The following EMID1 variants were observed in gnomAD, a reference collection of about 807,000 sequenced individuals.
EMID1 encodes the protein EMI domain containing 1.
A neutral mutation model predicts 60.6 loss-of-function variants in EMID1; 40 were observed. That is an observed-to-expected ratio of 0.66 (90% confidence interval 0.51 to 0.86). The LOEUF is 0.86. Among genes scored for constraint, EMID1 ranks in the 40% least tolerant of loss-of-function variants. EMID1 has a pLI of 0.00. For missense variants in EMID1, 585 were observed against 597.1 expected (o/e 0.98, Z 0.21); for synonymous variants, 242 against 231.0 (o/e 1.05, Z -0.43).
At position 29,254,227 on chromosome 22, in the gene EMID1, G is replaced by A. The variant is rs200726069; in HGVS notation, c.1144G>A (p.Glu382Lys). 1.9e-6 allele frequency: 3 copies of A among 1,614,052 alleles called. No homozygotes were observed. The highest frequency in any genetic ancestry group is 2.5e-6 in the Non-Finnish European group (3 of 1,180,024). ...HWGEGLHQLR[E>K]ALKILAERVL... is the part of the protein sequence containing the mutation. Reference sequence around the variant, plus strand: ...GGGGGAGGGGTTGCACCAGCTACGCGAGGCTTTGAAGATTTTAGCTGAGAG... The same window carrying A: ...GGGGGAGGGGTTGCACCAGCTACGCAAGGCTTTGAAGATTTTAGCTGAGAG... The change falls in exon 14 of 15, where the codon GAG becomes AAG. Residue 382 changes from glutamate to lysine, a missense_variant. Physicochemically the swap from Glu to Lys is moderately conservative, Grantham distance 56 (BLOSUM62 1). Transcript: ENST00000334018.
chr22:29,251,486 G>A (rs1054731607), intron 13 of EMID1, among the ~76,000 whole-genome samples: 2 of 150,606 alleles, frequency 1.3e-5, no homozygotes, highest in African/African-American at 4.9e-5. Flanking sequence ...ACAGGTGTGA[G>A]CCACCATGCC....
At chr22:29,221,789 C>G (rs2040309584) in intron 3 of EMID1, among the ~76,000 whole-genome samples, 1 of 152,180 alleles carries the variant, frequency 6.6e-6, no homozygotes, top group Non-Finnish European at 1.5e-5. Context: ...TAAAATGTTT[C>G]TGTCCATTTC....
chr22:29,225,902 C>T (rs756488633), intron 4 of EMID1, among the ~76,000 whole-genome samples: 1 of 152,096 alleles, frequency 6.6e-6, no homozygotes. Flanking sequence ...GCCAGGCGGC[C>T]GGGGGAGCGG....
intron 13 of EMID1, among the ~76,000 whole-genome samples, chr22:29,245,087 C>T (rs1007951049): frequency 6.6e-6 from 1 of 152,092 alleles, no homozygotes; most frequent in Admixed American, 6.5e-5. Flanking sequence ...CACGAGTCTT[C>T]CCCTGTGTCT....
chr22:29,224,770 G>A (rs1270522648), intron 3 of EMID1, among the ~76,000 whole-genome samples: 2 of 152,220 alleles, frequency 1.3e-5, no homozygotes, highest in Non-Finnish European at 2.9e-5. Context: ...TTTTACAGAT[G>A]GGAAAATAAG....
At chr22:29,211,905 A>T (rs1344446328) in intron 1 of EMID1, among the ~76,000 whole-genome samples, 1 of 152,120 alleles carries the variant, frequency 6.6e-6, no homozygotes, top group Non-Finnish European at 1.5e-5. Context: ...TCTGGAGAGG[A>T]GCCACGATTC....
intron 12 of EMID1, among the ~76,000 whole-genome samples, chr22:29,237,080 C>T (rs2040978312): frequency 1.3e-5 from 2 of 152,078 alleles, no homozygotes; most frequent in Non-Finnish European, 2.9e-5. Flanking sequence ...CGGGTGTGAG[C>T]CACCTCGCCC....
intron 3 of EMID1, among the ~76,000 whole-genome samples, chr22:29,219,960 C>T (rs2040230670): frequency 6.6e-6 from 1 of 152,026 alleles, no homozygotes. Flanking sequence ...ATTCAGAATC[C>T]GAGGGCTAAA....
Position 29,206,503 on chromosome 22 carries a change from C to G in EMID1, c.101+364C>G, listed in dbSNP as rs117124635. Among the ~76,000 whole-genome samples, 648 of 152,352 alleles carry G rather than the reference C, an allele frequency of 4.3e-3. 9 individuals are homozygous for G. Among genetic ancestry groups the G allele is most frequent in the East Asian group, 0.016 (84 of 5,180 alleles). ...CGACTCTTCTCGGACCCTCTCTCCC[C>G]TTTTCCCTGTTCCTGTTTTTTTGCT... is the stretch of plus-strand genomic sequence containing the variant. On this transcript the variant is annotated intron_variant, in intron 1 of 14. Coordinates refer to ENST00000334018, the MANE Select transcript of EMID1 (RefSeq NM_133455.4).
rs2041806562 is a variant in EMID1, at chr22:29,258,865, G to C, written c.1253G>C (p.Ser418Thr). ...GAGPAGTGTP[S>T]LLRGKRGGHA... ...GGCCCTGCCGGCACAGGCACCCCCAGCCTCCTTCGGGGCAAGAGGGGCGGA... is the reference window on the plus strand; with the variant it reads ...GGCCCTGCCGGCACAGGCACCCCCACCCTCCTTCGGGGCAAGAGGGGCGGA... The change falls in exon 15 of 15, where the codon AGC (serine) becomes ACC (threonine). Residue 418 changes from serine to threonine, a missense_variant. Physicochemically the swap from Ser to Thr is moderately conservative, Grantham distance 58 (BLOSUM62 1). Coordinates refer to ENST00000334018, the MANE Select transcript of EMID1 (RefSeq NM_133455.4). 1 of 1,613,178 alleles carries C rather than the reference G, an allele frequency of 6.2e-7. No homozygotes were observed. The highest frequency in any genetic ancestry group is 2.2e-5 in the East Asian group (1 of 44,862).
intron 1 of EMID1, among the ~76,000 whole-genome samples, chr22:29,211,373 GTT>G (rs2146112408): frequency 6.6e-6 from 1 of 152,338 alleles, no homozygotes; most frequent in African/African-American, 2.4e-5. Context: ...GGAGCTCTGT[GTT>G]TATGTGGATC....
At chr22:29,226,678 G>A (rs991723063) in intron 5 of EMID1, 127 bp downstream of exon 5, 7 of 898,330 alleles carry the variant, frequency 7.8e-6, no homozygotes, top group Non-Finnish European at 1.1e-5. Flanking sequence ...CCACAGGGCA[G>A]CTCTGAACTG....
intron 1 of EMID1, among the ~76,000 whole-genome samples, chr22:29,207,549 A>C (rs1601881662): frequency 6.6e-6 from 1 of 152,096 alleles, no homozygotes; most frequent in Non-Finnish European, 1.5e-5. Flanking sequence ...TAAGGCCCAG[A>C]CCGCCCTGCA....
chr22:29,214,559 AGTT>A (rs759832062), intron 1 of EMID1, among the ~76,000 whole-genome samples: 2 of 152,158 alleles, frequency 1.3e-5, no homozygotes, highest in Non-Finnish European at 2.9e-5. Context: ...CACTCACTGT[AGTT>A]GTCCAGGCAA....
intron 7 of EMID1, 22 bp from the exon 8 acceptor site, chr22:29,232,234 A>G (rs759803174): frequency 1.9e-6 from 3 of 1,611,364 alleles, no homozygotes; most frequent in Admixed American, 3.3e-5. Flanking sequence ...TATACCCACA[A>G]ATCCGTGTGA....
chr22:29,241,457 C>T (rs1181127201), intron 12 of EMID1, among the ~76,000 whole-genome samples: 2 of 151,804 alleles, frequency 1.3e-5, no homozygotes, highest in African/African-American at 2.4e-5. Context: ...GGTGTGATCT[C>T]GGCTCACTGC....
chr22:29,233,344 C>G (rs1317669037), intron 8 of EMID1, 35 bp from the exon 9 acceptor site: 1 of 1,610,970 alleles, frequency 6.2e-7, no homozygotes, highest in Non-Finnish European at 8.5e-7. Flanking sequence ...CCCACTCTAC[C>G]CAGCTCTACT....
intron 12 of EMID1, among the ~76,000 whole-genome samples, chr22:29,238,100 A>T (rs2041020095): frequency 7.0e-6 from 1 of 142,420 alleles, no homozygotes; most frequent in Non-Finnish European, 1.5e-5. Flanking sequence ...TTTTCCTCTC[A>T]ATACTTGGTA....
intron 14 of EMID1, chr22:29,255,564 C>T: frequency 2.3e-6 from 1 of 429,648 alleles, no homozygotes; most frequent in Non-Finnish European, 4.2e-6. Context: ...GTGCCAGGCA[C>T]CTTGCTGGGA....
Sources: gnomAD v4.1 joint callset for allele counts (sites outside exome capture counted in the v4.1 genomes callset) on GRCh38, gnomAD v4.1.1 for gene constraint, MANE v1.5 for transcripts, NCBI Gene and HGNC (gene_info 2026-07-23, HGNC 2026-07-21) for gene names.